The following TRAF3 variants were observed in gnomAD, a reference collection of about 807,000 sequenced individuals.
TRAF3 encodes TNF receptor associated factor 3.
A neutral mutation model predicts 62.3 loss-of-function variants in TRAF3; 13 were observed. That is an observed-to-expected ratio of 0.21 (90% CI 0.14 to 0.33). The LOEUF (loss-of-function observed/expected upper bound fraction) is 0.33, where lower values mean the gene tolerates loss of function less well. Among genes scored for constraint, TRAF3 ranks in the 10% least tolerant of loss-of-function variants. The probability of loss-of-function intolerance (pLI) is 1.00; values close to 1 mark genes in which losing one functional copy is unlikely to be tolerated. For missense variants in TRAF3, 440 were observed against 741.8 expected (o/e 0.59, Z 4.73); for synonymous variants, 269 against 283.4 (o/e 0.95, Z 0.51).
At chr14:102,832,631 A>G (rs1885713731) in intron 2 of TRAF3, among the ~76,000 whole-genome samples, 1 of 152,156 alleles carries the variant, frequency 6.6e-6, no homozygotes, top group Non-Finnish European at 1.5e-5. Flanking sequence ...AGATTATGTC[A>G]TTGCATTCCA....
At chr14:102,811,913 CTTTTTTTTTTTTTTTTT>C (rs71119743) in intron 1 of TRAF3, among the ~76,000 whole-genome samples, 1,293 of 47,150 alleles carry the variant, frequency 0.027, 46 homozygotes, top group Admixed American at 0.05. Flanking sequence ...ATGCCTGGCC[CTTTTTTTTTTTTTTTTT>C]TTTTTTTTTT....
At chr14:102,779,269 CTTTTTTTTTTTTTT>C (rs61309052) in intron 1 of TRAF3, among the ~76,000 whole-genome samples, 205 of 123,362 alleles carry the variant, frequency 1.7e-3, no homozygotes, top group East Asian at 4.8e-3. Context: ...AGAATTCCAG[CTTTTTTTTTTTTTT>C]TTTTTTTTTT....
intron 1 of TRAF3, among the ~76,000 whole-genome samples, chr14:102,818,415 G>T (rs1189235841): frequency 6.6e-6 from 1 of 152,178 alleles, no homozygotes; most frequent in East Asian, 1.9e-4. Flanking sequence ...GTTACTTCAT[G>T]GAGTGGAAGC....
In TRAF3 at chr14:102,855,553, T is replaced by G. The variant is rs548567772; in HGVS notation, c.-17-14632T>G. 5.2e-3 allele frequency among the ~76,000 whole-genome samples: 788 copies of G among 152,230 alleles called. 3 individuals carry two copies. Among genetic ancestry groups the G allele is most frequent in the Non-Finnish European group, 8.0e-3 (545 of 68,006 alleles). ...GCTCACACCTGTAATCCCAGCACTT[T>G]GGGAGGCCGAGGCAGGCAGATCACC... On this transcript the variant is annotated intron_variant, in intron 2 of 11. Coordinates refer to ENST00000392745, the MANE Select transcript of TRAF3 (RefSeq NM_145725.3).
intron 10 of TRAF3, among the ~76,000 whole-genome samples, chr14:102,902,862 C>G (rs988504581): frequency 3.9e-5 from 6 of 152,176 alleles, no homozygotes; most frequent in Non-Finnish European, 7.3e-5. Flanking sequence ...ACAGGGAAGC[C>G]TGCTGTGGGC....
intron 2 of TRAF3, among the ~76,000 whole-genome samples, chr14:102,864,468 A>G (rs1378640359): frequency 1.3e-5 from 2 of 152,068 alleles, no homozygotes; most frequent in African/African-American, 4.8e-5. Context: ...CAGTTTTTAA[A>G]ATGTGTATAT....
In TRAF3 at chr14:102,886,203, C is replaced by T. The variant is rs186117694; in HGVS notation, c.585C>T (p.Thr195=). 94 of 1,613,016 alleles carry T rather than the reference C, an allele frequency of 5.8e-5. No homozygotes were observed. Among genetic ancestry groups the T allele is most frequent in the Non-Finnish European group, 7.1e-5 (84 of 1,179,552 alleles). The change falls in exon 7 of 12, where the codon ACC becomes ACT. Residue 195 remains threonine (T), a synonymous_variant. Coordinates refer to ENST00000392745, the MANE Select transcript of TRAF3 (RefSeq NM_145725.3). ...TCTCTCTGTAGAAACACGAAGACAC[C>T]GACTGTCCCTGCGTGGTGGTGTCCT... The part of the protein sequence containing the change: ...PMIALQKHED[T]DCPCVVVSCP...
intron 1 of TRAF3, among the ~76,000 whole-genome samples, chr14:102,820,012 A>G (rs1354771155): frequency 6.6e-6 from 1 of 152,208 alleles, no homozygotes. Context: ...GGAAGAAAAC[A>G]TCACGCCTGC....
rs141798968 is a variant in TRAF3 at position 102,823,748 on chromosome 14, C to T, written c.-156-6586C>T. ...TTTTAAAAAATAACTTTATTGAAAT[C>T]GTCACATTCCATACAATTACCTATT... On this transcript the variant is annotated intron_variant, in intron 1 of 11. Coordinates refer to ENST00000392745, the MANE Select transcript of TRAF3 (RefSeq NM_145725.3). 2.1e-3 allele frequency among the ~76,000 whole-genome samples: 314 copies of T among 152,252 alleles called. 2 individuals carry two copies. Among genetic ancestry groups the T allele is most frequent in the African/African-American group, 7.0e-3 (292 of 41,534 alleles).
At chr14:102,806,536 G>T (rs1019177222) in intron 1 of TRAF3, among the ~76,000 whole-genome samples, 4 of 152,202 alleles carry the variant, frequency 2.6e-5, no homozygotes, top group Non-Finnish European at 4.4e-5. Flanking sequence ...AGTCCAAGCT[G>T]CCCCTTGAGC....
rs555922584 is a variant in TRAF3, at chr14:102,901,892, G to A, written c.961-1363G>A. ...GCCCGCCCCTCGAGCACCCGGTGTG[G>A]CCCTCAGCTTGTGAGGTGGCTCAGT... On this transcript the variant is annotated intron_variant, in intron 10 of 11. Transcript: ENST00000392745. Among the ~76,000 whole-genome samples the A allele has an allele frequency of 2.6e-5, 4 of 152,328 alleles. No homozygotes were observed. In the East Asian group the frequency reaches 5.8e-4, roughly 22 times the overall value.
intron 1 of TRAF3, among the ~76,000 whole-genome samples, chr14:102,816,766 C>T (rs551269701): frequency 7.9e-5 from 12 of 152,304 alleles, no homozygotes; most frequent in South Asian, 4.1e-4. Flanking sequence ...CTGTTTTCCA[C>T]GGTGCTGTGA....
At chr14:102,852,767 C>T (rs930300891) in intron 2 of TRAF3, among the ~76,000 whole-genome samples, 2 of 152,012 alleles carry the variant, frequency 1.3e-5, no homozygotes, top group East Asian at 1.9e-4. Flanking sequence ...GTGGCGTGAT[C>T]GTAGTTCACT....
intron 7 of TRAF3, among the ~76,000 whole-genome samples, 181 bp from the exon 8 acceptor site, chr14:102,889,379 A>G (rs1312988634): frequency 6.6e-6 from 1 of 152,268 alleles, no homozygotes; most frequent in Non-Finnish European, 1.5e-5. Flanking sequence ...GTATATGTGT[A>G]TACACGTGAC....
At chr14:102,897,827 C>T (rs1406978996) in intron 10 of TRAF3, among the ~76,000 whole-genome samples, 1 of 152,250 alleles carries the variant, frequency 6.6e-6, no homozygotes. Context: ...GTGACACGCG[C>T]TCACCCGCTG....
In TRAF3 at chr14:102,870,169, T is replaced by C. The variant is rs947761974; in HGVS notation, c.-17-16T>C. 1 of 1,614,100 alleles carries C rather than the reference T, an allele frequency of 6.2e-7. No individual in the cohort carries two copies. Among genetic ancestry groups the C allele is most frequent in the East Asian group, 2.2e-5 (1 of 44,866 alleles). ...ATGAGAGGATATGATGGCACTCTAC[T>C]GTTTTTTCCCGACAGAACTCCTCTT... On this transcript the variant is annotated splice_polypyrimidine_tract_variant and intron_variant, in intron 2 of 11. Transcript: ENST00000392745.
rs141993796 is a variant in TRAF3, at chr14:102,875,220, T to C, written c.298-404T>C. On this transcript the variant is annotated intron_variant, in intron 4 of 11. Coordinates refer to ENST00000392745, the MANE Select transcript of TRAF3 (RefSeq NM_145725.3). ...GTCCAGTTCTGCTCTTGTCCTCTGG[T>C]GACAGCTGCACCATAATGGCCACCT... 5.7e-3 allele frequency among the ~76,000 whole-genome samples: 868 copies of C among 152,310 alleles called. 9 individuals are homozygous for C. The highest frequency in any genetic ancestry group is 9.9e-3 in the Admixed American group (151 of 15,306).
intron 2 of TRAF3, among the ~76,000 whole-genome samples, chr14:102,854,235 T>C (rs1887227327): frequency 6.6e-6 from 1 of 152,172 alleles, no homozygotes; most frequent in East Asian, 1.9e-4. Flanking sequence ...TTGTGAATAG[T>C]GCTGCTGTGA....
At chr14:102,817,779 A>G (rs1899625783) in intron 1 of TRAF3, among the ~76,000 whole-genome samples, 1 of 152,228 alleles carries the variant, frequency 6.6e-6, no homozygotes, top group African/African-American at 2.4e-5. Context: ...CTTTGGGGGT[A>G]CTTTGGTGAA....
Sources: allele counts gnomAD v4.1 joint callset (sites outside exome capture counted in the v4.1 genomes callset), GRCh38; gene constraint gnomAD v4.1.1; transcripts MANE v1.5; gene names NCBI Gene and HGNC (gene_info 2026-07-23, HGNC 2026-07-21).